Variants in LUC7L2 observed in about 807,000 individuals in gnomAD.
The protein encoded by LUC7L2 is LUC7 like 2, pre-mRNA splicing factor.
A neutral mutation model predicts 52.8 loss-of-function variants in LUC7L2; 25 were observed. The ratio of observed to expected loss-of-function variants is 0.47; its 90% CI spans 0.34 to 0.66. The LOEUF is 0.66. Ranked by LOEUF, LUC7L2 falls within the 30% of genes least tolerant of loss-of-function variation. The pLI is 0.01. For synonymous variants in LUC7L2, 144 were observed against 160.9 expected (o/e 0.89, Z 0.80); for missense variants, 328 against 497.8 (o/e 0.66, Z 3.25).
intron 1 of LUC7L2, among the ~76,000 whole-genome samples, chr7:139,351,731 AT>A (rs1799464055): frequency 6.6e-6 from 1 of 152,152 alleles, no homozygotes; most frequent in Admixed American, 6.5e-5. Context: ...TGATTTCAAC[AT>A]TTTGCTGTTC....
In LUC7L2 at chr7:139,390,016, T is replaced by C. The variant is rs184814173; in HGVS notation, c.157-8583T>C. ...CCATCTCAAAAAAAAATTAACTTGGTGTGGCATGCACATGTACTTCTAGCT... is the reference window on the plus strand; with the variant it reads ...CCATCTCAAAAAAAAATTAACTTGGCGTGGCATGCACATGTACTTCTAGCT... On this transcript the variant is annotated intron_variant, in intron 2 of 9. Transcript: ENST00000354926. 6.6e-5 allele frequency among the ~76,000 whole-genome samples: 10 copies of C among 152,248 alleles called. No homozygotes were observed. The East Asian group carries it at 1.4e-3, about 21-fold the overall frequency.
Position 139,402,140 on chromosome 7 carries a change from A to G in LUC7L2, c.259A>G (p.Met87Val). ...EQDFFFELDA[M>V]DHLQSFIADC... is the part of the protein sequence containing the mutation. The stretch of plus-strand genomic sequence containing the variant: ...TGTCTTTAATTAAACTTTGTAGGCC[A>G]TGGATCATCTGCAGTCATTCATTGC... The change falls in exon 4 of 10, where the codon ATG becomes GTG. Residue 87 changes from methionine (M) to valine (V), a missense_variant. Met to Val is a conservative substitution (Grantham distance 21, BLOSUM62 1). Transcript: ENST00000354926. The G allele has an allele frequency of 4.4e-6, 7 of 1,591,056 alleles. No homozygotes were observed. The highest frequency in any genetic ancestry group is 1.4e-5 in the African/African-American group (1 of 73,476).
At chr7:139,398,858 T>A (rs2131274994) in intron 3 of LUC7L2, among the ~76,000 whole-genome samples, 161 bp downstream of exon 3, 1 of 152,302 alleles carries the variant, frequency 6.6e-6, no homozygotes, top group South Asian at 2.1e-4. Context: ...ACAACTCTTT[T>A]AAAAATATGA....
intron 2 of LUC7L2, among the ~76,000 whole-genome samples, chr7:139,384,765 T>C (rs1794116920): frequency 1.3e-5 from 2 of 152,062 alleles, no homozygotes; most frequent in South Asian, 4.2e-4. Flanking sequence ...TTTTTAAGAG[T>C]TGGGGGTCTC....
chr7:139,416,819 C>T (rs561940400), intron 8 of LUC7L2: 62 of 152,110 alleles, frequency 4.1e-4, no homozygotes, highest in African/African-American at 1.3e-3. Context: ...ACGTATTCTT[C>T]CTCATCTCTT....
intron 2 of LUC7L2, among the ~76,000 whole-genome samples, chr7:139,381,651 A>G (rs1377414683): frequency 6.6e-6 from 1 of 151,302 alleles, no homozygotes; most frequent in African/African-American, 2.4e-5. Flanking sequence ...ATCTCGGCTC[A>G]CTGCAACCTC....
Position 139,417,641 on chromosome 7 carries a change from T to C in LUC7L2, c.913T>C (p.Ser305Pro). 1 of 1,613,978 alleles carries C rather than the reference T, an allele frequency of 6.2e-7. No homozygotes were observed. Among genetic ancestry groups the C allele is most frequent in the Non-Finnish European group, 8.5e-7 (1 of 1,180,006 alleles). The change falls in exon 9 of 10, where the codon TCC becomes CCC. Residue 305 changes from serine to proline, a missense_variant. Physicochemically the swap from Ser to Pro is moderately conservative, Grantham distance 74 (BLOSUM62 -1). This residue lies in a region of LUC7L2 where 195 missense variants were observed against 223.3 expected (regional missense o/e 0.87). Coordinates refer to ENST00000354926, the MANE Select transcript of LUC7L2 (RefSeq NM_016019.5). ...TCGGGAGAAACGCCATCGCCACAGG[T>C]CCCGCTCCAGCAGCCGTAGCCGCAG... is the stretch of plus-strand genomic sequence containing the variant. ...KSREKRHRHR[S>P]RSSSRSRSRS...
intron 3 of LUC7L2, among the ~76,000 whole-genome samples, chr7:139,399,115 C>G (rs1471090774): frequency 1.3e-5 from 2 of 151,784 alleles, no homozygotes; most frequent in Non-Finnish European, 2.9e-5. Flanking sequence ...CCATATCTGT[C>G]GTTGAATCTG....
chr7:139,412,662 T>C, intron 8 of LUC7L2, 82 bp downstream of exon 8: 1 of 1,504,660 alleles, frequency 6.6e-7, no homozygotes, highest in Admixed American at 2.3e-5. Context: ...TAAATGGTCC[T>C]TTAAAAATTT....
chr7:139,358,084 T>G (rs950657602), upstream of LUC7L2, among the ~76,000 whole-genome samples: 9 of 152,130 alleles, frequency 5.9e-5, no homozygotes, highest in Non-Finnish European at 1.3e-4. Context: ...CTCGGCTTAC[T>G]GCAACCTCCA....
intron 2 of LUC7L2, among the ~76,000 whole-genome samples, chr7:139,379,255 T>G (rs1354881045): frequency 6.6e-6 from 1 of 152,192 alleles, no homozygotes; most frequent in Admixed American, 6.5e-5. Flanking sequence ...TAGCCCCAGC[T>G]ACTTTGGAGG....
intron 1 of LUC7L2, among the ~76,000 whole-genome samples, chr7:139,350,851 T>C (rs942973906): frequency 2.6e-5 from 4 of 152,020 alleles, no homozygotes; most frequent in Admixed American, 6.6e-5. Context: ...TAATTTTGTA[T>C]TTTTAGTAGA....
rs577206714 is a variant in LUC7L2, at chr7:139,349,623, C to G, written c.-26+9106C>G. Among the ~76,000 whole-genome samples, 30 of 151,202 alleles carry G rather than the reference C, an allele frequency of 2.0e-4. No homozygotes were observed. The East Asian group carries it at 4.7e-3, about 24-fold the overall frequency. ...CTTTAATGTCAACTGCTCCCCCCCC[C>G]CCCACCGGATTTTCCTTTAATAGTA... On this transcript the variant is annotated intron_variant, in intron 1 of 10. Coordinates refer to the LUC7L2 transcript ENST00000541170.
At chr7:139,389,246 G>C (rs1263202796) in intron 2 of LUC7L2, among the ~76,000 whole-genome samples, 1 of 151,810 alleles carries the variant, frequency 6.6e-6, no homozygotes, top group Non-Finnish European at 1.5e-5. Flanking sequence ...TCGTATTTCT[G>C]CCTGAGTAGT....
chr7:139,366,883 A>G (rs972726152), intron 1 of LUC7L2, among the ~76,000 whole-genome samples: 5 of 152,212 alleles, frequency 3.3e-5, no homozygotes, highest in Non-Finnish European at 5.9e-5. Flanking sequence ...GAAACCTTCC[A>G]GGTGATTCTG....
At chr7:139,374,928 T>C in intron 1 of LUC7L2, 1 of 991,910 alleles carries the variant, frequency 1.0e-6, no homozygotes, top group Non-Finnish European at 1.2e-6. Context: ...CACGAAAGTT[T>C]TTGGAGTGCT....
chr7:139,401,949 C>T (rs1377583246), intron 3 of LUC7L2, among the ~76,000 whole-genome samples, 188 bp from the exon 4 acceptor site: 1 of 152,010 alleles, frequency 6.6e-6, no homozygotes, highest in South Asian at 2.1e-4. Context: ...GGCAGAGTTT[C>T]GCCAAGTTGG....
chr7:139,417,826 G>A, intron 9 of LUC7L2, 97 bp downstream of exon 9: 1 of 1,455,686 alleles, frequency 6.9e-7, no homozygotes, highest in Non-Finnish European at 9.1e-7. Context: ...CAGATTATTG[G>A]TTTGAAACTT....
At chr7:139,397,678 T>C (rs1199791510) in intron 2 of LUC7L2, among the ~76,000 whole-genome samples, 1 of 152,224 alleles carries the variant, frequency 6.6e-6, no homozygotes, top group Non-Finnish European at 1.5e-5. Context: ...CAATTTTTTC[T>C]CATATTTTCC....
Sources: allele counts gnomAD v4.1 joint callset (sites outside exome capture counted in the v4.1 genomes callset), GRCh38; gene constraint gnomAD v4.1.1; regional missense constraint gnomAD v4.1.1; transcripts MANE v1.5; gene names NCBI Gene and HGNC (gene_info 2026-07-23, HGNC 2026-07-21).